The following PDE1C variants were observed in gnomAD, a reference collection of about 807,000 sequenced individuals.
The protein encoded by PDE1C is dual specificity calcium/calmodulin-dependent 3',5'-cyclic nucleotide phosphodiesterase 1C.
A neutral mutation model predicts 93.1 loss-of-function variants in PDE1C; 62 were observed. The observed-to-expected ratio is 0.67, with a 90% confidence interval of 0.54 to 0.82. The LOEUF (loss-of-function observed/expected upper bound fraction) is 0.82, where lower values mean the gene tolerates loss of function less well. PDE1C is among the 40% of genes least tolerant of loss of function. PDE1C has a pLI of 0.00. For missense variants in PDE1C, 742 were observed against 884.6 expected, an observed-to-expected ratio of 0.84 and a Z score of 2.04; for synonymous variants, 325 against 310.1, an observed-to-expected ratio of 1.05 and a Z score of -0.50.
At chr7:32,121,924 TG>T (rs1216215334) in intron 3 of PDE1C, among the ~76,000 whole-genome samples, 1 of 152,180 alleles carries the variant, frequency 6.6e-6, no homozygotes, top group Non-Finnish European at 1.5e-5. Flanking sequence ...AGACACAGAC[TG>T]GCAAATTGGA....
chr7:32,225,782 G>A (rs970024352), intron 1 of PDE1C, among the ~76,000 whole-genome samples: 11 of 152,166 alleles, frequency 7.2e-5, no homozygotes, highest in African/African-American at 1.9e-4. Flanking sequence ...CTTCTAGGCC[G>A]GGCACGGTGG....
chr7:31,893,767 T>C (rs1798927136), intron 2 of PDE1C, among the ~76,000 whole-genome samples: 1 of 152,126 alleles, frequency 6.6e-6, no homozygotes, highest in Admixed American at 6.6e-5. Context: ...GTTGAATCAA[T>C]CTGGACAAAG....
intron 2 of PDE1C, among the ~76,000 whole-genome samples, chr7:32,007,635 C>T (rs552966073): frequency 2.0e-5 from 3 of 152,328 alleles, no homozygotes; most frequent in South Asian, 4.1e-4. Flanking sequence ...ACAAATACCA[C>T]CAATGCCACT....
intron 1 of PDE1C, among the ~76,000 whole-genome samples, chr7:32,259,555 T>A (rs925780898): frequency 6.6e-6 from 1 of 152,138 alleles, no homozygotes; most frequent in Non-Finnish European, 1.5e-5. Context: ...TGAGGAGGCA[T>A]TCCTGGGACT....
chr7:32,099,780 G>A (rs886292567), intron 3 of PDE1C, among the ~76,000 whole-genome samples: 1 of 151,994 alleles, frequency 6.6e-6, no homozygotes, highest in African/African-American at 2.4e-5. Context: ...CTCTTTCCAT[G>A]GGCCAGAGGC....
At chr7:31,795,021 T>C (rs973425984) in intron 16 of PDE1C, among the ~76,000 whole-genome samples, 4 of 151,974 alleles carry the variant, frequency 2.6e-5, no homozygotes, top group African/African-American at 4.8e-5. Flanking sequence ...TAGCATATAT[T>C]GCAGCGGACT....
intron 2 of PDE1C, among the ~76,000 whole-genome samples, chr7:32,170,895 T>G (rs957351323): frequency 6.6e-6 from 1 of 151,978 alleles, no homozygotes; most frequent in African/African-American, 2.4e-5. Flanking sequence ...CTGACCACTC[T>G]CCACTGGGCC....
intron 1 of PDE1C, among the ~76,000 whole-genome samples, chr7:32,320,288 G>A (rs1395049998): frequency 6.6e-6 from 1 of 152,136 alleles, no homozygotes; most frequent in Non-Finnish European, 1.5e-5. Context: ...CTCTTGGTTA[G>A]TCGATTTGCT....
chr7:32,108,769 A>T (rs542200522), intron 3 of PDE1C, among the ~76,000 whole-genome samples: 2 of 152,356 alleles, frequency 1.3e-5, no homozygotes, highest in South Asian at 4.1e-4. Flanking sequence ...ATTGCCAGAT[A>T]TAAGCCCAAG....
At chr7:32,327,159 C>T (rs1783418953) in intron 1 of PDE1C, among the ~76,000 whole-genome samples, 2 of 152,190 alleles carry the variant, frequency 1.3e-5, no homozygotes, top group Non-Finnish European at 2.9e-5. Context: ...TTTCTGACTG[C>T]CTCGACTGCT....
rs1383973453 is a variant in PDE1C, at chr7:31,828,378, A to G, written c.1204-5T>C. On this transcript the variant is annotated splice_polypyrimidine_tract_variant and splice_region_variant and intron_variant, in intron 11 of 17. Transcript: ENST00000396191. ...CAGCTCTGCTTCTCTGTCACCCTGG[A>G]AAAATAAAAGGTCATAGTAAATTAA... The G allele has an allele frequency of 1.2e-6, 2 of 1,611,086 alleles. No homozygotes were observed. Among genetic ancestry groups the G allele is most frequent in the Admixed American group, 1.7e-5 (1 of 59,874 alleles).
chr7:32,341,173 C>CTATTTTTTATTTT (rs796122014), intron 1 of PDE1C, among the ~76,000 whole-genome samples: 1 of 84,950 alleles, frequency 1.2e-5, no homozygotes, highest in South Asian at 6.0e-4. Context: ...GAAATAAAGT[C>CTATTTTTTATTTT]TTTTTTTTTT....
intron 14 of PDE1C, among the ~76,000 whole-genome samples, chr7:31,817,846 C>T (rs1352111231): frequency 2.6e-5 from 4 of 152,100 alleles, no homozygotes; most frequent in African/African-American, 7.2e-5. Context: ...CACACGTTCA[C>T]GAGGCTTTAT....
chr7:32,348,779 T>G (rs1048958686), intron 1 of PDE1C, among the ~76,000 whole-genome samples: 2 of 152,176 alleles, frequency 1.3e-5, no homozygotes, highest in African/African-American at 4.8e-5. Context: ...AGCCAGTGAC[T>G]CATTGAAGCT....
At chr7:31,938,887 T>A (rs959563655) in intron 2 of PDE1C, among the ~76,000 whole-genome samples, 1 of 152,202 alleles carries the variant, frequency 6.6e-6, no homozygotes, top group Admixed American at 6.5e-5. Context: ...TGTATCTTTT[T>A]AACCTTAATT....
At chr7:31,635,768 C>A in the PDE1C span, among the ~76,000 whole-genome samples, 2 of 151,670 alleles carry the variant, frequency 1.3e-5, no homozygotes, top group East Asian at 3.9e-4. Flanking sequence ...CACATTGGGG[C>A]TTGTAAGGGG....
the PDE1C span, among the ~76,000 whole-genome samples, chr7:31,727,939 G>A: frequency 4.7e-4 from 71 of 152,292 alleles, 1 homozygote; most frequent in East Asian, 0.011. Context: ...CACTACTTGG[G>A]AGGCTGAGGC....
intron 2 of PDE1C, among the ~76,000 whole-genome samples, chr7:32,034,974 G>A (rs139007169): frequency 8.5e-5 from 13 of 152,144 alleles, no homozygotes; most frequent in African/African-American, 2.6e-4. Flanking sequence ...GTAATATTAT[G>A]GCTATTTTTA....
chr7:31,870,396 C>A (rs1053423923), intron 6 of PDE1C, among the ~76,000 whole-genome samples: 2 of 151,752 alleles, frequency 1.3e-5, no homozygotes, highest in African/African-American at 4.8e-5. Context: ...TCCAAATAAA[C>A]AACATCAGAA....
Sources: gnomAD v4.1 joint callset for allele counts (sites outside exome capture counted in the v4.1 genomes callset) on GRCh38, gnomAD v4.1.1 for gene constraint, MANE v1.5 for transcripts, NCBI Gene and HGNC (gene_info 2026-07-23, HGNC 2026-07-21) for gene names.